Variants in RORA observed in about 807,000 individuals in gnomAD.
RORA encodes RAR related orphan receptor A, also known as nuclear receptor ROR-alpha.
RORA carries 7 observed loss-of-function variants against 69.5 expected under a neutral mutation model. The ratio of observed to expected loss-of-function variants is 0.10; its 90% CI spans 0.06 to 0.19. The LOEUF is 0.19. RORA is among the 10% of genes least tolerant of loss of function. RORA has a pLI of 1.00. For synonymous variants in RORA, 261 were observed against 240.8 expected, an observed-to-expected ratio of 1.08 and a Z score of -0.78; for missense variants, 457 against 663.0, an observed-to-expected ratio of 0.69 and a Z score of 3.41.
intron 2 of RORA, among the ~76,000 whole-genome samples, chr15:60,646,404 T>G (rs1258556311): frequency 6.6e-6 from 1 of 152,222 alleles, no homozygotes; most frequent in Non-Finnish European, 1.5e-5. Flanking sequence ...TATTACAGCC[T>G]GTATCACATA....
intron 1 of RORA, among the ~76,000 whole-genome samples, chr15:60,932,422 G>C (rs536243805): frequency 6.6e-6 from 1 of 152,170 alleles, no homozygotes; most frequent in African/African-American, 2.4e-5. Context: ...CTCATTCATA[G>C]GTAAGGAAAC....
At chr15:61,135,448 G>A (rs916985375) in intron 1 of RORA, among the ~76,000 whole-genome samples, 11 of 151,968 alleles carry the variant, frequency 7.2e-5, no homozygotes, top group Admixed American at 1.3e-4. Context: ...TACAGCAAGT[G>A]CAGACACAAA....
chr15:60,672,664 A>G (rs1274677691), intron 2 of RORA, among the ~76,000 whole-genome samples: 1 of 152,212 alleles, frequency 6.6e-6, no homozygotes, highest in Non-Finnish European at 1.5e-5. Flanking sequence ...TCACTTCTCT[A>G]AGCTACTTGT....
chr15:60,703,202 A>G (rs2071010352), intron 1 of RORA, among the ~76,000 whole-genome samples: 2 of 152,038 alleles, frequency 1.3e-5, no homozygotes, highest in African/African-American at 4.8e-5. Context: ...CTCCCATCAC[A>G]TATATTGACA....
At chr15:60,763,107 C>A (rs2140874085) in intron 1 of RORA, among the ~76,000 whole-genome samples, 1 of 93,278 alleles carries the variant, frequency 1.1e-5, no homozygotes, top group Non-Finnish European at 2.0e-5. Flanking sequence ...AACCAACCTA[C>A]CAAAGCAAAG....
intron 1 of RORA, among the ~76,000 whole-genome samples, chr15:61,015,237 C>T (rs937125093): frequency 3.3e-5 from 5 of 152,124 alleles, no homozygotes; most frequent in East Asian, 3.9e-4. Flanking sequence ...AAAGCCCTGG[C>T]GGCAGATTCT....
chr15:60,615,648 C>G (rs965949019), intron 2 of RORA, among the ~76,000 whole-genome samples: 1 of 152,210 alleles, frequency 6.6e-6, no homozygotes, highest in Non-Finnish European at 1.5e-5. Flanking sequence ...TCCCTGCCAG[C>G]CTAGCTCATA....
intron 1 of RORA, among the ~76,000 whole-genome samples, chr15:60,986,476 C>T (rs1894204706): frequency 6.6e-6 from 1 of 152,192 alleles, no homozygotes; most frequent in South Asian, 2.1e-4. Context: ...GCCACCTCTT[C>T]ATTAATTGGC....
intron 1 of RORA, among the ~76,000 whole-genome samples, chr15:60,859,651 CTTTCTTT>C (rs2073417545): frequency 1.0e-5 from 1 of 96,460 alleles, no homozygotes; most frequent in South Asian, 4.0e-4. Flanking sequence ...TTCTTTCTTT[CTTTCTTT>C]TTTTTTTTTT....
chr15:61,065,247 G>C (rs1434835743), intron 1 of RORA, among the ~76,000 whole-genome samples: 4 of 152,178 alleles, frequency 2.6e-5, no homozygotes, highest in African/African-American at 4.8e-5. Context: ...GTTTGTAACT[G>C]TTTTATTTAG....
intron 1 of RORA, among the ~76,000 whole-genome samples, chr15:60,937,319 G>GT (rs1386669215): frequency 6.6e-6 from 1 of 152,288 alleles, no homozygotes; most frequent in East Asian, 1.9e-4. Context: ...TTGTTTAAGA[G>GT]TATTTACTGT....
chr15:60,754,261 T>G (rs752456033), intron 1 of RORA, among the ~76,000 whole-genome samples: 1 of 152,244 alleles, frequency 6.6e-6, no homozygotes, highest in Non-Finnish European at 1.5e-5. Flanking sequence ...CATCATCTTT[T>G]GTTTACATCA....
At position 61,086,421 on chromosome 15, in the gene RORA, T is replaced by C. The variant is rs13379734; in HGVS notation, c.166+142632A>G. Reference sequence around the variant, plus strand: ...GGCATAGTTGTAAATGAGAACTTAATGAACTCAGAGTAATGTCACTAGGCC... The same window carrying C: ...GGCATAGTTGTAAATGAGAACTTAACGAACTCAGAGTAATGTCACTAGGCC... On this transcript the variant is annotated intron_variant, in intron 1 of 10. Coordinates refer to ENST00000335670, the MANE Select transcript of RORA (RefSeq NM_134261.3). Among the ~76,000 whole-genome samples, 691 of 152,362 alleles carry C rather than the reference T, an allele frequency of 4.5e-3. 6 individuals carry two copies. The highest frequency in any genetic ancestry group is 7.3e-3 in the Non-Finnish European group (494 of 68,032).
intron 1 of RORA, among the ~76,000 whole-genome samples, chr15:60,830,879 T>C (rs981199626): frequency 6.6e-5 from 10 of 152,318 alleles, no homozygotes; most frequent in African/African-American, 2.2e-4. Flanking sequence ...CTCAATTTAA[T>C]GGAACAGAAA....
intron 1 of RORA, among the ~76,000 whole-genome samples, chr15:60,954,241 A>G (rs1893197501): frequency 7.5e-6 from 1 of 134,198 alleles, no homozygotes; most frequent in African/African-American, 2.8e-5. Flanking sequence ...GAATTGAACA[A>G]TGAGATCACA....
intron 10 of RORA, 114 bp from the exon 11 acceptor site, chr15:60,497,733 CA>C: frequency 2.4e-6 from 2 of 824,760 alleles, no homozygotes; most frequent in South Asian, 3.4e-5. Context: ...ACACTTAAAG[CA>C]ACTTAAACAT....
chr15:61,204,988 C>A (rs913738004), intron 1 of RORA, among the ~76,000 whole-genome samples: 1 of 152,186 alleles, frequency 6.6e-6, no homozygotes, highest in Non-Finnish European at 1.5e-5. Flanking sequence ...ATGTGCTGGT[C>A]GGCACCATTG....
intron 1 of RORA, among the ~76,000 whole-genome samples, chr15:61,168,762 C>A (rs1245138355): frequency 6.6e-6 from 1 of 152,016 alleles, no homozygotes; most frequent in East Asian, 1.9e-4. Flanking sequence ...GGCTTGAAAT[C>A]AAAACACCGA....
chr15:61,141,575 A>G (rs2079298884), intron 1 of RORA, among the ~76,000 whole-genome samples: 1 of 152,232 alleles, frequency 6.6e-6, no homozygotes, highest in Non-Finnish European at 1.5e-5. Flanking sequence ...GAAACCTCAG[A>G]AAGACTTTAG....
Sources: gnomAD v4.1 joint callset for allele counts (sites outside exome capture counted in the v4.1 genomes callset) on GRCh38, gnomAD v4.1.1 for gene constraint, MANE v1.5 for transcripts, NCBI Gene and HGNC (gene_info 2026-07-23, HGNC 2026-07-21) for gene names.